The following MON2 variants were observed in gnomAD, a reference collection of about 807,000 sequenced individuals.
MON2 encodes protein MON2 homolog.
Under a neutral mutation model 208.6 loss-of-function variants are expected in MON2, and 84 were observed. The ratio of observed to expected loss-of-function variants is 0.40; its 90% CI spans 0.34 to 0.48. The LOEUF is 0.48. Among genes scored for constraint, MON2 ranks in the 20% least tolerant of loss-of-function variants. MON2 has a pLI of 0.59. For synonymous variants in MON2, 660 were observed against 694.0 expected (o/e 0.95, Z 0.77); for missense variants, 1,611 against 2,015.4 (o/e 0.80, Z 3.84).
intron 31 of MON2, 120 bp downstream of exon 31, chr12:62,578,625 T>C: frequency 1.6e-6 from 1 of 621,608 alleles, no homozygotes; most frequent in South Asian, 2.5e-5. Flanking sequence ...ACTGAAAGCA[T>C]TAAAACTCTT....
In MON2 at chr12:62,571,428, C is replaced by T; in HGVS notation, c.4360C>T (p.Pro1454Ser). The change falls in exon 30 of 35, where the codon CCT becomes TCT. Residue 1454 changes from proline to serine, a missense_variant. Transcript: ENST00000393630. ...TCCTCTCAGTTTGAAGTATTCCTGC[C>T]CTTCTGAAAGCACATGGAAACTAGC... is the stretch of plus-strand genomic sequence containing the variant. ...RVPLSLKYSCPSESTWKLAVS... is the reference protein window; with the variant it reads ...RVPLSLKYSCSSESTWKLAVS... 1 of 1,611,990 alleles carries T rather than the reference C, an allele frequency of 6.2e-7. No individual in the cohort carries two copies. Among genetic ancestry groups the T allele is most frequent in the Non-Finnish European group, 8.5e-7 (1 of 1,178,680 alleles).
intron 1 of MON2, among the ~76,000 whole-genome samples, chr12:62,478,057 A>G (rs1050622964): frequency 6.6e-5 from 10 of 152,198 alleles, no homozygotes; most frequent in Non-Finnish European, 1.3e-4. Flanking sequence ...TTTGTGATAC[A>G]GTAAAGTCCA....
intron 25 of MON2, 148 bp downstream of exon 25, chr12:62,556,340 C>A: frequency 1.3e-6 from 1 of 791,482 alleles, no homozygotes; most frequent in Non-Finnish European, 2.0e-6. Flanking sequence ...TTTGTACCTA[C>A]TGTGGGCTAG....
intron 19 of MON2, among the ~76,000 whole-genome samples, chr12:62,540,179 A>G (rs2073171470): frequency 6.6e-6 from 1 of 152,152 alleles, no homozygotes; most frequent in South Asian, 2.1e-4. Flanking sequence ...TTCAATAAGC[A>G]CAGTAGGCTT....
intron 14 of MON2, 98 bp from the exon 15 acceptor site, chr12:62,537,053 A>G: frequency 1.5e-6 from 1 of 648,904 alleles, no homozygotes. Context: ...AAATAAGTGT[A>G]TGGCTAAACT....
intron 11 of MON2, among the ~76,000 whole-genome samples, chr12:62,531,175 T>C (rs1789437502): frequency 6.6e-6 from 1 of 152,220 alleles, no homozygotes; most frequent in South Asian, 2.1e-4. Flanking sequence ...GTGGGTCTTT[T>C]CATTTTCTTG....
intron 19 of MON2, among the ~76,000 whole-genome samples, chr12:62,539,538 A>G (rs2073137927): frequency 6.6e-6 from 1 of 151,298 alleles, no homozygotes; most frequent in Non-Finnish European, 1.5e-5. Flanking sequence ...AAGTGCTGGG[A>G]TTACAGGCAT....
chr12:62,556,303 G>C, intron 25 of MON2, 111 bp downstream of exon 25: 1 of 1,034,190 alleles, frequency 9.7e-7, no homozygotes, highest in East Asian at 2.6e-5. Context: ...TGTGTGGTGT[G>C]TGTGTAAGCA....
chr12:62,469,917 T>G (rs1348942161), intron 1 of MON2, among the ~76,000 whole-genome samples: 2 of 28,050 alleles, frequency 7.1e-5, no homozygotes, highest in Non-Finnish European at 1.3e-4. Flanking sequence ...TTTATTTATT[T>G]ATTTATTTGA....
intron 23 of MON2, among the ~76,000 whole-genome samples, chr12:62,552,094 G>A (rs950241625): frequency 6.6e-6 from 1 of 152,044 alleles, no homozygotes; most frequent in Non-Finnish European, 1.5e-5. Context: ...AAGTTACCTA[G>A]TATTATTCAA....
At chr12:62,510,723 G>A (rs2071350934) in intron 8 of MON2, among the ~76,000 whole-genome samples, 1 of 152,082 alleles carries the variant, frequency 6.6e-6, no homozygotes, top group Non-Finnish European at 1.5e-5. Flanking sequence ...TTCCCTCTAA[G>A]ATCAGGAACA....
intron 5 of MON2, among the ~76,000 whole-genome samples, chr12:62,500,151 T>C (rs1404720023): frequency 1.3e-5 from 2 of 152,228 alleles, no homozygotes; most frequent in Non-Finnish European, 2.9e-5. Flanking sequence ...TCTCTAAGGC[T>C]AATCTGCCAT....
intron 23 of MON2, among the ~76,000 whole-genome samples, chr12:62,552,309 G>GC (rs1199786694): frequency 6.6e-6 from 1 of 152,184 alleles, no homozygotes; most frequent in East Asian, 1.9e-4. Context: ...ATATATGATT[G>GC]CAAGTGGGTG....
At chr12:62,558,497 C>T (rs74987079) in intron 25 of MON2, among the ~76,000 whole-genome samples, 3,070 of 152,024 alleles carry the variant, frequency 0.02, 94 homozygotes, top group African/African-American at 0.068. Flanking sequence ...CTAAATGGCA[C>T]GGGATATTCT....
At chr12:62,512,961 G>A (rs1211849385) in intron 8 of MON2, among the ~76,000 whole-genome samples, 5 of 152,112 alleles carry the variant, frequency 3.3e-5, no homozygotes, top group Non-Finnish European at 5.9e-5. Context: ...GCTACGGCCC[G>A]AGCTCTATGT....
intron 1 of MON2, among the ~76,000 whole-genome samples, chr12:62,477,561 C>T (rs1242679123): frequency 1.3e-5 from 2 of 151,664 alleles, no homozygotes; most frequent in African/African-American, 4.8e-5. Context: ...ACTACAGGCT[C>T]ACACCACCAC....
intron 7 of MON2, among the ~76,000 whole-genome samples, chr12:62,505,905 A>AG (rs1279707037): frequency 6.6e-6 from 1 of 151,826 alleles, no homozygotes; most frequent in Non-Finnish European, 1.5e-5. Flanking sequence ...ACAGAAAAAA[A>AG]CAAAACAAAA....
chr12:62,576,318 A>T (rs1036241683), intron 30 of MON2, among the ~76,000 whole-genome samples: 10 of 151,956 alleles, frequency 6.6e-5, no homozygotes, highest in Non-Finnish European at 1.5e-4. Flanking sequence ...AGGGGAAGGG[A>T]GATGAGGGAG....
intron 30 of MON2, among the ~76,000 whole-genome samples, chr12:62,573,908 G>A (rs1204868887): frequency 6.6e-6 from 1 of 152,016 alleles, no homozygotes; most frequent in Non-Finnish European, 1.5e-5. Flanking sequence ...CCTGATTATG[G>A]CTCTACTTAC....
Sources: gnomAD v4.1 joint callset for allele counts (sites outside exome capture counted in the v4.1 genomes callset) on GRCh38, gnomAD v4.1.1 for gene constraint, MANE v1.5 for transcripts, NCBI Gene and HGNC (gene_info 2026-07-23, HGNC 2026-07-21) for gene names.